IRAG2: variants seen among roughly 807,000 people sequenced by gnomAD.
IRAG2 encodes lymphoid restricted membrane protein.
Under a neutral mutation model 69.9 loss-of-function variants are expected in IRAG2, and 45 were observed. The observed-to-expected ratio is 0.64, with a 90% CI of 0.51 to 0.83. The LOEUF (loss-of-function observed/expected upper bound fraction) is 0.83, where lower values mean the gene tolerates loss of function less well. Ranked by LOEUF, IRAG2 falls within the 40% of genes least tolerant of loss-of-function variation. The probability of loss-of-function intolerance (pLI) is 0.00; values close to 1 mark genes in which losing one functional copy is unlikely to be tolerated. For missense variants in IRAG2, 520 were observed against 587.0 expected, an observed-to-expected ratio of 0.89 and a Z score of 1.18; for synonymous variants, 193 against 202.4, an observed-to-expected ratio of 0.95 and a Z score of 0.40.
chr12:25,047,501 G>A (rs1446559064), upstream of IRAG2, among the ~76,000 whole-genome samples: 1 of 152,142 alleles, frequency 6.6e-6, no homozygotes, highest in Non-Finnish European at 1.5e-5. Context: ...TGCAGGATGT[G>A]CAGGTTTATT....
intron 5 of IRAG2, among the ~76,000 whole-genome samples, chr12:25,067,862 A>G (rs1439650960): frequency 6.6e-6 from 1 of 151,782 alleles, no homozygotes; most frequent in Non-Finnish European, 1.5e-5. Flanking sequence ...GTTTTTTGAG[A>G]CAGAGTCTCA....
intron 8 of IRAG2, among the ~76,000 whole-genome samples, chr12:25,025,177 T>C (rs762041464): frequency 6.6e-6 from 1 of 152,124 alleles, no homozygotes; most frequent in Non-Finnish European, 1.5e-5. Flanking sequence ...TGTTAGACGG[T>C]AAAAAGAGCT....
chr12:25,074,693 A>G (rs1380457040), intron 6 of IRAG2, among the ~76,000 whole-genome samples: 1 of 152,248 alleles, frequency 6.6e-6, no homozygotes, highest in Non-Finnish European at 1.5e-5. Context: ...CATGAAGGCC[A>G]GAGTATATCT....
rs10627418 is a variant in IRAG2 at position 25,077,220 on chromosome 12, AAT to A, written c.25-2017_25-2016del. Among the ~76,000 whole-genome samples, 127 of 36,716 alleles carry A rather than the reference AAT, an allele frequency of 3.5e-3. 10 individuals are homozygous for A. Among genetic ancestry groups the A allele is most frequent in the African/African-American group, 0.013 (122 of 9,138 alleles). The allele number at this position is 36,716 out of a possible 152,430, so 24.1% of individuals were successfully genotyped here. A position where few individuals can be genotyped will look rare whatever the true frequency, so the allele number is the denominator to read the frequency against. On this transcript the variant is annotated intron_variant, in intron 6 of 21. Coordinates refer to ENST00000556887, the MANE Select transcript of IRAG2 (RefSeq NM_001366544.2). ...TGAAATATATATATGATATATATGA[AAT>A]ATATATGATATATATATGAAATATA...
chr12:25,081,868 A>G lies in IRAG2; in HGVS notation c.245-1555A>G, dbSNP rs939665903. ...ACAGAATGTTAAGTATAGTGTACAC[A>G]ATTTTGTGAAAAAAAGGACAGAAAA... is the stretch of plus-strand genomic sequence containing the variant. On this transcript the variant is annotated intron_variant, in intron 9 of 21. Transcript: ENST00000556887. Among the ~76,000 whole-genome samples, 5 of 152,148 alleles carry G rather than the reference A, an allele frequency of 3.3e-5. No homozygotes were observed. The South Asian group carries it at 8.3e-4, about 25-fold the overall frequency.
At chr12:25,005,693 C>G (rs1944425646) in intron 2 of IRAG2, among the ~76,000 whole-genome samples, 1 of 152,128 alleles carries the variant, frequency 6.6e-6, no homozygotes, top group Non-Finnish European at 1.5e-5. Context: ...TGTAAAACCA[C>G]TATACAAAAT....
chr12:25,079,674 T>A lies in IRAG2; in HGVS notation c.155T>A (p.Leu52Gln), dbSNP rs147316104. Residue 52 changes from leucine (L) to glutamine (Q), a missense_variant, in exon 9 of 22, where the codon CTG becomes CAG. Transcript: ENST00000556887. ...ITSSDPGLEILNMASCDLDRN... is the reference protein window; with the variant it reads ...ITSSDPGLEIQNMASCDLDRN... ...TTGACAGATCCTGGATTAGAAATTC[T>A]GAATATGGCTTCTTGTGACCTTGAC... 1.4e-4 allele frequency: 230 copies of A among 1,612,748 alleles called. No individual in the cohort carries two copies. The highest frequency in any genetic ancestry group is 1.5e-4 in the Admixed American group (9 of 59,992).
At chr12:25,046,264 T>C (rs1057426722) in intron 16 of IRAG2, among the ~76,000 whole-genome samples, 1 of 152,066 alleles carries the variant, frequency 6.6e-6, no homozygotes, top group African/African-American at 2.4e-5. Context: ...CATCACTCAA[T>C]GGTAAAACAC....
At chr12:25,018,573 A>T (rs892416199) in intron 6 of IRAG2, among the ~76,000 whole-genome samples, 1 of 152,158 alleles carries the variant, frequency 6.6e-6, no homozygotes, top group South Asian at 2.1e-4. Context: ...TCTCCAAACT[A>T]ATCTTTAAAA....
intron 1 of IRAG2, among the ~76,000 whole-genome samples, chr12:25,059,554 A>G (rs1324554912): frequency 6.6e-6 from 1 of 152,112 alleles, no homozygotes; most frequent in Non-Finnish European, 1.5e-5. Flanking sequence ...AGGTTTCACC[A>G]TGTTGTTCAG....
At chr12:25,078,540 A>G (rs1467719238) in intron 6 of IRAG2, among the ~76,000 whole-genome samples, 9 of 152,240 alleles carry the variant, frequency 5.9e-5, no homozygotes, top group Admixed American at 5.9e-4. Context: ...TTAAAATAAT[A>G]TACTAGAAAA....
chr12:25,099,705 T>C (rs1177046396), intron 15 of IRAG2, among the ~76,000 whole-genome samples: 1 of 151,904 alleles, frequency 6.6e-6, no homozygotes, highest in Non-Finnish European at 1.5e-5. Context: ...CTTACTGTGG[T>C]TTGAAAGGAT....
intron 6 of IRAG2, 66 bp from the exon 7 acceptor site, chr12:25,079,178 A>G (rs1947027647): frequency 1.3e-6 from 2 of 1,537,012 alleles, no homozygotes; most frequent in East Asian, 2.2e-5. Context: ...TGTTTGCTTA[A>G]AACAACCTCT....
chr12:25,002,088 G>C (rs1944395999), upstream of IRAG2, among the ~76,000 whole-genome samples: 1 of 152,104 alleles, frequency 6.6e-6, no homozygotes, highest in South Asian at 2.1e-4. Flanking sequence ...AAGGCTCTTT[G>C]CTCGACATAG....
chr12:25,100,000 G>GAAAAAAAAAAAAAAAAAAAAAAAAAAA (rs56728551), intron 15 of IRAG2, among the ~76,000 whole-genome samples: 1 of 25,674 alleles, frequency 3.9e-5, no homozygotes, highest in African/African-American at 2.9e-4. Context: ...GACTCCATCT[G>GAAAAAAAAAAAAAAAAAAAAAAAAAAA]AAAAAAAAAA....
chr12:25,056,918 A>G (rs537203401), intron 1 of IRAG2, among the ~76,000 whole-genome samples: 110 of 152,236 alleles, frequency 7.2e-4, no homozygotes, highest in Admixed American at 2.3e-3. Flanking sequence ...TCTGGGTTCT[A>G]CAGGGCTCTG....
chr12:25,034,414 T>C (rs553424731), intron 13 of IRAG2, among the ~76,000 whole-genome samples: 1 of 152,364 alleles, frequency 6.6e-6, no homozygotes, highest in African/African-American at 2.4e-5. Flanking sequence ...GATTATTACA[T>C]TCTGAACAGA....
chr12:25,005,654 C>T (rs908868368), intron 2 of IRAG2, among the ~76,000 whole-genome samples: 9 of 152,100 alleles, frequency 5.9e-5, no homozygotes, highest in Non-Finnish European at 8.8e-5. Flanking sequence ...TCGTAGGTGG[C>T]GCCCCACAGG....
At chr12:25,050,318 CAG>C (rs1168566528), upstream of IRAG2, among the ~76,000 whole-genome samples, 1 of 151,680 alleles carries the variant, frequency 6.6e-6, no homozygotes, top group African/African-American at 2.4e-5. Context: ...ATCTCGAGGT[CAG>C]GAAATCGAGA....
Sources: allele counts gnomAD v4.1 joint callset (sites outside exome capture counted in the v4.1 genomes callset), GRCh38; gene constraint gnomAD v4.1.1; transcripts MANE v1.5; gene names NCBI Gene and HGNC (gene_info 2026-07-23, HGNC 2026-07-21).